SPATS2: variants seen among roughly 807,000 people sequenced by gnomAD.
SPATS2 encodes the protein spermatogenesis associated serine rich 2.
In SPATS2, 38 loss-of-function variants were observed where a neutral mutation model predicts 63.7. That is an observed-to-expected ratio of 0.60 (90% CI 0.46 to 0.78). SPATS2 has a LOEUF of 0.78. Among genes scored for constraint, SPATS2 ranks in the 30% least tolerant of loss-of-function variants. SPATS2 has a pLI of 0.00. For missense variants in SPATS2, 588 were observed against 666.2 expected (o/e 0.88, Z 1.29); for synonymous variants, 207 against 232.9 (o/e 0.89, Z 1.01).
intron 2 of SPATS2, among the ~76,000 whole-genome samples, chr12:49,441,193 T>C (rs12306118): frequency 0.3 from 44,869 of 152,040 alleles, 8,970 homozygotes; most frequent in African/African-American, 0.57. Context: ...TTCTTACTGC[T>C]ACATTCCTCA....
intron 2 of SPATS2, among the ~76,000 whole-genome samples, chr12:49,452,775 C>T (rs1212752591): frequency 6.6e-6 from 1 of 150,592 alleles, no homozygotes; most frequent in South Asian, 2.1e-4. Flanking sequence ...TTTTTTTAAC[C>T]GTGGTTCTCT....
chr12:49,388,003 A>G (rs896086686), intron 2 of SPATS2, among the ~76,000 whole-genome samples: 2 of 152,084 alleles, frequency 1.3e-5, no homozygotes, highest in African/African-American at 4.8e-5. Flanking sequence ...CCTGGCTTCA[A>G]ACTTGTGGGC....
chr12:49,436,651 GA>G (rs1487561763), intron 2 of SPATS2, among the ~76,000 whole-genome samples: 1 of 132,778 alleles, frequency 7.5e-6, no homozygotes. Context: ...TGGCCGGGCA[GA>G]GGGGCTCCTC....
chr12:49,374,958 CAAAAAAAA>C (rs10687716), intron 2 of SPATS2, among the ~76,000 whole-genome samples: 290 of 24,722 alleles, frequency 0.012, no homozygotes, highest in Non-Finnish European at 0.019. Flanking sequence ...GGATCTGTCT[CAAAAAAAA>C]AAAAAAAAAA....
Position 49,494,843 on chromosome 12 carries a change from T to C in SPATS2, c.367T>C (p.Ser123Pro), listed in dbSNP as rs1395030657. The change falls in exon 7 of 14, where the codon TCC becomes CCC. Residue 123 changes from serine (S) to proline (P), a missense_variant. By Grantham distance (74) the Ser-to-Pro change is moderately conservative. Coordinates refer to ENST00000552918, the MANE Select transcript of SPATS2 (RefSeq NM_023071.4). ...CATTCAAGAGGAACAGTCTGCGCCT[T>C]CCTCAGAGAAAGGTGGTATGAATGG... ...VSIQEEQSAP[S>P]SEKGGMNGYH... is the part of the protein sequence containing the mutation. The C allele has an allele frequency of 3.1e-6, 5 of 1,613,998 alleles. No individual in the cohort carries two copies. In the Middle Eastern group the frequency reaches 4.9e-4, roughly 160 times the overall value.
At chr12:49,509,650 T>C (rs867666929) in intron 9 of SPATS2, among the ~76,000 whole-genome samples, 2 of 152,044 alleles carry the variant, frequency 1.3e-5, no homozygotes, top group Middle Eastern at 6.8e-3. Context: ...AACCTGTCTC[T>C]ACTGAAAATA....
At chr12:49,389,803 C>T in intron 2 of SPATS2, 1 of 1,064,736 alleles carries the variant, frequency 9.4e-7, no homozygotes, top group Non-Finnish European at 1.5e-6. Context: ...CATCAGTCGG[C>T]CTTGGAACTT....
At chr12:49,421,713 A>G (rs1216248127) in intron 2 of SPATS2, among the ~76,000 whole-genome samples, 1 of 152,202 alleles carries the variant, frequency 6.6e-6, no homozygotes, top group Non-Finnish European at 1.5e-5. Flanking sequence ...CATTTAAATA[A>G]AGTCAGTTTT....
rs776255042 is a variant in SPATS2, at chr12:49,484,697, C to T, written c.105+28C>T. The T allele has an allele frequency of 4.4e-5, 70 of 1,603,344 alleles. 2 individuals are homozygous for T. In the South Asian group the frequency reaches 7.4e-4, roughly 17 times the overall value. ...AAGACTAGTCACTATGGATAGTAAA[C>T]TTAAATGTCATAGGAAAATTTAGGT... On this transcript the variant is annotated intron_variant, in intron 4 of 13. Transcript: ENST00000552918.
chr12:49,396,858 T>C (rs1944521279), intron 2 of SPATS2, among the ~76,000 whole-genome samples: 1 of 152,238 alleles, frequency 6.6e-6, no homozygotes, highest in African/African-American at 2.4e-5. Context: ...CAGGTATTCA[T>C]GTGTATCATT....
chr12:49,434,242 C>G (rs139528865), intron 2 of SPATS2, among the ~76,000 whole-genome samples: 1 of 152,036 alleles, frequency 6.6e-6, no homozygotes, highest in African/African-American at 2.4e-5. Context: ...TTTTCTTTTT[C>G]AAGATTGGTT....
intron 11 of SPATS2, among the ~76,000 whole-genome samples, chr12:49,519,898 T>C (rs1339491103): frequency 6.7e-6 from 1 of 150,270 alleles, no homozygotes; most frequent in Non-Finnish European, 1.5e-5. Context: ...CACTGCATCC[T>C]CCACCTCCTA....
At chr12:49,408,252 C>CT (rs201465422) in intron 2 of SPATS2, among the ~76,000 whole-genome samples, 3,419 of 137,096 alleles carry the variant, frequency 0.025, 125 homozygotes, top group African/African-American at 0.072. Flanking sequence ...TAGTATTCTT[C>CT]TTTTTTTTTT....
chr12:49,504,716 A>G (rs1299680538), intron 9 of SPATS2, among the ~76,000 whole-genome samples: 1 of 118,026 alleles, frequency 8.5e-6, no homozygotes, highest in Non-Finnish European at 1.8e-5. Flanking sequence ...TGATTCCTCT[A>G]TGTCCTTTTA....
At chr12:49,508,111 TA>T (rs1455795610) in intron 9 of SPATS2, among the ~76,000 whole-genome samples, 1 of 152,298 alleles carries the variant, frequency 6.6e-6, no homozygotes, top group African/African-American at 2.4e-5. Flanking sequence ...TCTTACCAGG[TA>T]TTCCTGTTTG....
chr12:49,399,382 A>G (rs1009559334), intron 2 of SPATS2, among the ~76,000 whole-genome samples: 1 of 152,208 alleles, frequency 6.6e-6, no homozygotes, highest in African/African-American at 2.4e-5. Flanking sequence ...TGTAAGATAC[A>G]CCATTACTTG....
intron 2 of SPATS2, among the ~76,000 whole-genome samples, chr12:49,388,090 T>G (rs1944352437): frequency 6.6e-6 from 1 of 152,094 alleles, no homozygotes; most frequent in South Asian, 2.1e-4. Flanking sequence ...CTTTTTCACT[T>G]TAAGTCTTTT....
At chr12:49,414,973 CATGT>C (rs1444107436) in intron 2 of SPATS2, among the ~76,000 whole-genome samples, 1 of 132,772 alleles carries the variant, frequency 7.5e-6, no homozygotes, top group Non-Finnish European at 1.6e-5. Flanking sequence ...GAGTTTAACT[CATGT>C]TGCCCAGGCT....
intron 2 of SPATS2, among the ~76,000 whole-genome samples, chr12:49,437,391 G>T (rs1452570598): frequency 2.2e-4 from 33 of 152,232 alleles, no homozygotes; most frequent in Middle Eastern, 3.4e-3. Flanking sequence ...ACGATGGGCG[G>T]CCAGGCAGAG....
Sources: allele counts gnomAD v4.1 joint callset (sites outside exome capture counted in the v4.1 genomes callset), GRCh38; gene constraint gnomAD v4.1.1; transcripts MANE v1.5; gene names NCBI Gene and HGNC (gene_info 2026-07-23, HGNC 2026-07-21).